TUSC3: variants seen among roughly 807,000 people sequenced by gnomAD.
TUSC3 encodes the protein dolichyl-diphosphooligosaccharide--protein glycosyltransferase subunit TUSC3.
A neutral mutation model predicts 44.8 loss-of-function variants in TUSC3; 45 were observed. That is an observed-to-expected ratio of 1.00 (90% CI 0.79 to 1.29). TUSC3 has a LOEUF of 1.29. Ranked by LOEUF, TUSC3 falls within the 50% of genes most tolerant of loss-of-function variation. The probability of loss-of-function intolerance (pLI) is 0.00; values close to 1 mark genes in which losing one functional copy is unlikely to be tolerated. For missense variants in TUSC3, 519 were observed against 437.9 expected, an observed-to-expected ratio of 1.19 and a Z score of -1.65; for synonymous variants, 212 against 152.9, an observed-to-expected ratio of 1.39 and a Z score of -2.85.
At chr8:15,581,861 C>CCGCTGGTTT (rs1204024995) in intron 1 of TUSC3, among the ~76,000 whole-genome samples, 1 of 92,268 alleles carries the variant, frequency 1.1e-5, no homozygotes, top group Non-Finnish European at 2.1e-5. Flanking sequence ...TGGAGCTTCC[C>CCGCTGGTTT]GTTTACCTAA....
intron 1 of TUSC3, among the ~76,000 whole-genome samples, chr8:15,446,718 A>C (rs1017899347): frequency 9.2e-6 from 1 of 108,868 alleles, no homozygotes; most frequent in African/African-American, 3.6e-5. Context: ...GAGACCGTGG[A>C]AAGTGGGAGA....
intron 1 of TUSC3, among the ~76,000 whole-genome samples, chr8:15,594,743 G>T (rs1357033710): frequency 6.6e-6 from 1 of 152,114 alleles, no homozygotes; most frequent in Non-Finnish European, 1.5e-5. Context: ...TTATGAATCA[G>T]GTTCGCTGCA....
chr8:15,595,056 G>A (rs1804006496), intron 1 of TUSC3, among the ~76,000 whole-genome samples: 1 of 152,162 alleles, frequency 6.6e-6, no homozygotes, highest in Non-Finnish European at 1.5e-5. Context: ...GACTGGAACA[G>A]AACTTGGGCT....
At chr8:15,568,736 G>A (rs1264769516) in intron 1 of TUSC3, among the ~76,000 whole-genome samples, 2 of 151,390 alleles carry the variant, frequency 1.3e-5, no homozygotes, top group Admixed American at 6.6e-5. Context: ...CCAAGTAGCT[G>A]GGATTAAGGT....
chr8:15,549,494 G>T (rs1206738492), intron 1 of TUSC3, among the ~76,000 whole-genome samples: 2 of 151,572 alleles, frequency 1.3e-5, no homozygotes, highest in African/African-American at 4.8e-5. Flanking sequence ...TTATTTTTTT[G>T]TGTGTGCCTA....
At chr8:15,743,505 CTA>C in intron 7 of TUSC3, 31 bp from the exon 8 acceptor site, 1 of 1,609,328 alleles carries the variant, frequency 6.2e-7, no homozygotes, top group Non-Finnish European at 8.5e-7. Context: ...TTATTCACAT[CTA>C]TGTCTACGGC....
chr8:15,662,775 A>G (rs1421744713), intron 5 of TUSC3, among the ~76,000 whole-genome samples: 1 of 151,964 alleles, frequency 6.6e-6, no homozygotes, highest in African/African-American at 2.4e-5. Flanking sequence ...GTAATCAACA[A>G]ATGGAGTGTA....
intron 1 of TUSC3, among the ~76,000 whole-genome samples, chr8:15,565,426 G>A (rs771872169): frequency 2.0e-5 from 3 of 152,058 alleles, no homozygotes; most frequent in Non-Finnish European, 2.9e-5. Flanking sequence ...CTTGGAATTA[G>A]AACATGGACA....
chr8:15,611,088 A>T (rs1585151183), intron 1 of TUSC3, among the ~76,000 whole-genome samples: 2 of 152,200 alleles, frequency 1.3e-5, no homozygotes, highest in African/African-American at 4.8e-5. Context: ...GGTCTTTAGG[A>T]TCTTCCCAGA....
At chr8:15,570,953 A>ATTTTTTTTTTTTTTTTT (rs1491358652) in intron 1 of TUSC3, among the ~76,000 whole-genome samples, 12 of 24,350 alleles carry the variant, frequency 4.9e-4, no homozygotes, top group Non-Finnish European at 1.1e-3. Flanking sequence ...ATTGCCTATT[A>ATTTTTTTTTTTTTTTTT]GTTTTTTTTT....
chr8:15,435,655 C>G (rs1462147406), intron 1 of TUSC3, among the ~76,000 whole-genome samples: 1 of 152,104 alleles, frequency 6.6e-6, no homozygotes, highest in Non-Finnish European at 1.5e-5. Context: ...TATAAATTGA[C>G]TCCCTCTTTT....
At chr8:15,810,780 TC>T in the TUSC3 span, among the ~76,000 whole-genome samples, 9 of 152,266 alleles carry the variant, frequency 5.9e-5, no homozygotes, top group South Asian at 1.2e-3. Context: ...GAGATTTGCA[TC>T]TGTAGAGAAT....
At chr8:15,794,786 A>G in the TUSC3 span, among the ~76,000 whole-genome samples, 3 of 152,198 alleles carry the variant, frequency 2.0e-5, no homozygotes, top group African/African-American at 4.8e-5. Flanking sequence ...CACAGGGGGG[A>G]AAATACCTTT....
chr8:15,427,813 A>G (rs1297219023), intron 1 of TUSC3, among the ~76,000 whole-genome samples: 2 of 152,092 alleles, frequency 1.3e-5, no homozygotes, highest in African/African-American at 2.4e-5. Context: ...GTCATACTCA[A>G]AAAATCTTTG....
chr8:15,662,377 A>G (rs1807462731), intron 5 of TUSC3, 81 bp downstream of exon 5: 2 of 1,571,096 alleles, frequency 1.3e-6, no homozygotes, highest in East Asian at 4.5e-5. Context: ...AAAATGAGCC[A>G]GATATAACTA....
chr8:15,433,267 C>T (rs886453310), intron 1 of TUSC3, among the ~76,000 whole-genome samples: 6 of 152,058 alleles, frequency 3.9e-5, no homozygotes, highest in East Asian at 3.9e-4. Flanking sequence ...ACATAGTTCA[C>T]GTGTAGACTG....
intron 6 of TUSC3, among the ~76,000 whole-genome samples, chr8:15,675,316 CAT>C (rs1325418629): frequency 1.3e-5 from 2 of 151,582 alleles, no homozygotes; most frequent in African/African-American, 4.9e-5. Context: ...AGGTATAAAA[CAT>C]ATTAAGGCAT....
In TUSC3 at chr8:15,540,284, G is replaced by T; in HGVS notation, c.-147G>T. 8.5e-7 allele frequency: 1 copy of T among 1,173,796 alleles called. No homozygotes were observed. Among genetic ancestry groups the T allele is most frequent in the Non-Finnish European group, 1.1e-6 (1 of 900,892 alleles). The allele number at this position is 1,173,796 out of a possible 1,614,324, so 72.7% of individuals were successfully genotyped here. A position where few individuals can be genotyped will look rare whatever the true frequency, so the allele number is the denominator to read the frequency against. Reference sequence around the variant, plus strand: ...TGTCAGTCTCCTCCTCTGCGTCCTCGGCCGCGGCCCGGGTCCCTCGCAAAG... The same window carrying T: ...TGTCAGTCTCCTCCTCTGCGTCCTCTGCCGCGGCCCGGGTCCCTCGCAAAG... On this transcript the variant is annotated 5_prime_UTR_variant, in exon 1 of 11. Coordinates refer to ENST00000503731, the MANE Select transcript of TUSC3 (RefSeq NM_006765.4).
rs1215659993 is a variant in TUSC3 at position 15,439,185 on chromosome 8, C to G, written n.91+21880C>G. 5.3e-5 allele frequency among the ~76,000 whole-genome samples: 8 copies of G among 152,170 alleles called. No individual in the cohort carries two copies. The East Asian group carries it at 9.6e-4, about 18-fold the overall frequency. On this transcript the variant is annotated intron_variant and non_coding_transcript_variant, in intron 1 of 5. Coordinates refer to the TUSC3 transcript ENST00000503191. ...ACCTATCACAATTGCTTTCACAAAC[C>G]AGACTGAAGTGGTAGCCAGCGACCC...
Sources: gnomAD v4.1 joint callset for allele counts (sites outside exome capture counted in the v4.1 genomes callset) on GRCh38, gnomAD v4.1.1 for gene constraint, MANE v1.5 for transcripts, NCBI Gene and HGNC (gene_info 2026-07-23, HGNC 2026-07-21) for gene names.